Variants in APPL2 observed in about 807,000 individuals in gnomAD.
APPL2 encodes the protein DCC-interacting protein 13-beta.
Under a neutral mutation model 92.7 loss-of-function variants are expected in APPL2, and 84 were observed. The observed-to-expected ratio is 0.91, with a 90% confidence interval of 0.76 to 1.09. The LOEUF (loss-of-function observed/expected upper bound fraction) is 1.09, where lower values mean the gene tolerates loss of function less well. APPL2 is among the 50% of genes least tolerant of loss of function. The probability of loss-of-function intolerance (pLI) is 0.00; values close to 1 mark genes in which losing one functional copy is unlikely to be tolerated. For synonymous variants in APPL2, 291 were observed against 291.0 expected, an observed-to-expected ratio of 1.00 and a Z score of 0.00; for missense variants, 736 against 824.5, an observed-to-expected ratio of 0.89 and a Z score of 1.31.
intron 14 of APPL2, among the ~76,000 whole-genome samples, chr12:105,190,476 T>C (rs538513211): frequency 4.6e-5 from 7 of 152,334 alleles, no homozygotes; most frequent in African/African-American, 1.7e-4. Flanking sequence ...TCTTGGAACA[T>C]AGTAGGCACT....
intron 19 of APPL2, chr12:105,176,518 C>T (rs1885559071): frequency 2.4e-6 from 1 of 414,630 alleles, no homozygotes; most frequent in Admixed American, 4.1e-5. Flanking sequence ...CTAATATCTT[C>T]CTTGGTTTTC....
At chr12:105,195,730 C>T (rs772805909) in intron 11 of APPL2, 103 bp from the exon 12 acceptor site, 110 of 1,296,492 alleles carry the variant, frequency 8.5e-5, no homozygotes, top group Non-Finnish European at 1.2e-4. Context: ...GGAAAAGTGC[C>T]ATGAAGGCAG....
intron 2 of APPL2, among the ~76,000 whole-genome samples, chr12:105,220,085 C>T (rs1017829396): frequency 2.0e-5 from 3 of 152,208 alleles, no homozygotes; most frequent in Non-Finnish European, 4.4e-5. Context: ...AGAGATTAAG[C>T]CACCTGTGCA....
Position 105,195,645 on chromosome 12 carries a change from A to C in APPL2, c.1053-18T>G, listed in dbSNP as rs1434121705. 6.2e-7 allele frequency: 1 copy of C among 1,613,820 alleles called. No individual in the cohort carries two copies. Among genetic ancestry groups the C allele is most frequent in the South Asian group, 1.1e-5 (1 of 91,082 alleles). On this transcript the variant is annotated intron_variant, in intron 11 of 20. Transcript: ENST00000258530. ...TTATTCCCCTGAAACAAAAGTGTCTAAGTAATTAAGTGCTTCCCTGATCTC... is the reference window on the plus strand; with the variant it reads ...TTATTCCCCTGAAACAAAAGTGTCTCAGTAATTAAGTGCTTCCCTGATCTC...
chr12:105,235,908 C>T (rs944691113), intron 1 of APPL2, 51 bp downstream of exon 1: 5 of 1,223,900 alleles, frequency 4.1e-6, no homozygotes, highest in Admixed American at 8.6e-5. Context: ...CTGGAGGGGC[C>T]TCCTCGGCCT....
intron 11 of APPL2, among the ~76,000 whole-genome samples, chr12:105,196,521 C>T (rs921377566): frequency 2.0e-5 from 3 of 146,400 alleles, no homozygotes; most frequent in Non-Finnish European, 3.0e-5. Flanking sequence ...CCACAACCTC[C>T]GCCTCCCAGG....
At chr12:105,205,470 C>G (rs1305221631) in intron 8 of APPL2, among the ~76,000 whole-genome samples, 1 of 152,200 alleles carries the variant, frequency 6.6e-6, no homozygotes, top group Non-Finnish European at 1.5e-5. Flanking sequence ...GGCCAGAGCA[C>G]TCACTTAAGA....
rs374627524 is a variant in APPL2 at position 105,214,858 on chromosome 12, G to A, written c.285+2211C>T. Reference sequence around the variant, plus strand: ...CCCCATCTTCCAGGAACGGGAGAGAGCTGGAGGTTGATCACATCTATGTGA... The same window carrying A: ...CCCCATCTTCCAGGAACGGGAGAGAACTGGAGGTTGATCACATCTATGTGA... On this transcript the variant is annotated intron_variant, in intron 4 of 20. Transcript: ENST00000258530. 2.8e-4 allele frequency among the ~76,000 whole-genome samples: 43 copies of A among 152,336 alleles called. 3 individuals carry two copies. The East Asian group carries it at 3.9e-3, about 14-fold the overall frequency.
Position 105,221,416 on chromosome 12 carries a change from A to C in APPL2, c.154-3691T>G, listed in dbSNP as rs535024920. ...TGGAGACTAAGCTTCAGAAAGGATA[A>C]ATAACTTTCTAAAGCCACATGACTA... On this transcript the variant is annotated intron_variant, in intron 2 of 20. Transcript: ENST00000258530. 1.2e-4 allele frequency among the ~76,000 whole-genome samples: 18 copies of C among 152,330 alleles called. No homozygotes were observed. The South Asian group carries it at 3.7e-3, about 32-fold the overall frequency.
At chr12:105,189,020 TC>T (rs890549176) in intron 16 of APPL2, among the ~76,000 whole-genome samples, 1 of 151,922 alleles carries the variant, frequency 6.6e-6, no homozygotes, top group African/African-American at 2.4e-5. Context: ...GAAGGTTTTT[TC>T]TTTTTTTTCT....
intron 2 of APPL2, among the ~76,000 whole-genome samples, chr12:105,222,314 G>GT (rs1890166415): frequency 6.6e-6 from 1 of 152,166 alleles, no homozygotes; most frequent in South Asian, 2.1e-4. Context: ...AGAAAACACT[G>GT]AAGTGGGAGA....
At chr12:105,180,731 G>A (rs573807532) in intron 17 of APPL2, among the ~76,000 whole-genome samples, 20 of 152,272 alleles carry the variant, frequency 1.3e-4, no homozygotes, top group African/African-American at 4.3e-4. Context: ...AGTAGCAATT[G>A]TGAATGGGAG....
chr12:105,177,366 G>A, intron 17 of APPL2, 104 bp from the exon 18 acceptor site: 1 of 1,252,210 alleles, frequency 8.0e-7, no homozygotes, highest in Non-Finnish European at 1.2e-6. Flanking sequence ...CCGAAATAGA[G>A]ATAAAGCCTG....
intron 16 of APPL2, among the ~76,000 whole-genome samples, chr12:105,189,195 A>C (rs536356556): frequency 4.0e-5 from 6 of 151,534 alleles, no homozygotes; most frequent in Non-Finnish European, 5.9e-5. Context: ...ATTTTTGTAT[A>C]TATATATATA....
intron 9 of APPL2, among the ~76,000 whole-genome samples, chr12:105,199,807 C>CT (rs934531134): frequency 1.8e-4 from 28 of 151,380 alleles, no homozygotes; most frequent in Non-Finnish European, 2.8e-4. Flanking sequence ...GCTACACAGT[C>CT]TTTTTTTTTG....
intron 5 of APPL2, among the ~76,000 whole-genome samples, chr12:105,208,560 T>C (rs901869710): frequency 6.6e-6 from 1 of 152,190 alleles, no homozygotes; most frequent in Non-Finnish European, 1.5e-5. Flanking sequence ...AGCCCCCAGA[T>C]AGAGTGTCTT....
intron 4 of APPL2, 127 bp from the exon 5 acceptor site, chr12:105,211,444 A>C: frequency 1.5e-6 from 1 of 648,444 alleles, no homozygotes; most frequent in South Asian, 1.8e-5. Context: ...CTTCCTCAGC[A>C]AGTAAGTACC....
At chr12:105,195,695 AAC>A in intron 11 of APPL2, 68 bp from the exon 12 acceptor site, 1 of 1,562,380 alleles carries the variant, frequency 6.4e-7, no homozygotes, top group Non-Finnish European at 8.8e-7. Context: ...TCTCTACATA[AAC>A]TGAACTTAGC....
At chr12:105,227,160 T>C (rs906877460) in intron 2 of APPL2, among the ~76,000 whole-genome samples, 2 of 152,066 alleles carry the variant, frequency 1.3e-5, no homozygotes, top group South Asian at 4.2e-4. Context: ...TAGTCCTTTT[T>C]TTAATATTTA....
Sources: gnomAD v4.1 joint callset for allele counts (sites outside exome capture counted in the v4.1 genomes callset) on GRCh38, gnomAD v4.1.1 for gene constraint, MANE v1.5 for transcripts, NCBI Gene and HGNC (gene_info 2026-07-23, HGNC 2026-07-21) for gene names.